The following SCAF8 variants were observed in gnomAD, a reference collection of about 807,000 sequenced individuals.
SCAF8 encodes the protein SR-related CTD associated factor 8.
A neutral mutation model predicts 140.5 loss-of-function variants in SCAF8; 23 were observed. The observed-to-expected ratio is 0.16, with a 90% confidence interval of 0.12 to 0.23. SCAF8 has a LOEUF of 0.23. Ranked by LOEUF, SCAF8 falls within the 10% of genes least tolerant of loss-of-function variation. The probability of loss-of-function intolerance (pLI) is 1.00; values close to 1 mark genes in which losing one functional copy is unlikely to be tolerated. For synonymous variants in SCAF8, 575 were observed against 528.9 expected (o/e 1.09, Z -1.20); for missense variants, 1,397 against 1,555.7 (o/e 0.90, Z 1.72).
In SCAF8 at chr6:154,803,566, T is replaced by C. The variant is rs1777831236; in HGVS notation, c.806T>C (p.Phe269Ser). The C allele has an allele frequency of 1.9e-6, 3 of 1,612,416 alleles. No individual in the cohort carries two copies. The highest frequency in any genetic ancestry group is 2.5e-6 in the Non-Finnish European group (3 of 1,179,260). ...CAGAAGTTGATGGATAGGTTTGATT[T>C]TGGGGAAGACTCTGAGCATAGTGAA... is the stretch of plus-strand genomic sequence containing the variant. ...FNKKLMDRFDFGEDSEHSEEP... is the reference protein window; with the variant it reads ...FNKKLMDRFDSGEDSEHSEEP... Residue 269 changes from phenylalanine to serine, a missense_variant, in exon 8 of 20, where the codon TTT becomes TCT. Transcript: ENST00000367178.
At chr6:154,824,942 C>T (rs1293296987) in intron 17 of SCAF8, 1 of 147,662 alleles carries the variant, frequency 6.8e-6, no homozygotes, top group East Asian at 2.0e-4. Context: ...ATTACTTTGT[C>T]TCAAAAAGAA....
intron 1 of SCAF8, among the ~76,000 whole-genome samples, chr6:154,773,718 G>A (rs1440937895): frequency 6.6e-6 from 1 of 152,126 alleles, no homozygotes; most frequent in African/African-American, 2.4e-5. Flanking sequence ...AACATTTTAC[G>A]TTCCCACCAG....
At chr6:154,793,901 T>TTGTGTGTGTGTG (rs546452318) in intron 5 of SCAF8, among the ~76,000 whole-genome samples, 4 of 74,598 alleles carry the variant, frequency 5.4e-5, no homozygotes, top group African/African-American at 2.8e-4. Flanking sequence ...TGTATGTATT[T>TTGTGTGTGTGTG]TGTGTGTGTG....
At position 154,832,426 on chromosome 6, in the gene SCAF8, A is replaced by G. The variant is rs775482832; in HGVS notation, c.2847A>G (p.Gln949=). 2.7e-5 allele frequency: 43 copies of G among 1,613,920 alleles called. No individual in the cohort carries two copies. In the East Asian group the frequency reaches 2.9e-4, roughly 11 times the overall value. ...TAATACAGCCTGGAATTCCACCCCA[A>G]CGGGGAATCCCACCCCCATCGGTAC... ...FPLIQPGIPP[Q]RGIPPPSVLD... Residue 949 remains glutamine (Q), a synonymous_variant, in exon 20 of 20, where the codon CAA becomes CAG. Transcript: ENST00000367178.
intron 12 of SCAF8, among the ~76,000 whole-genome samples, chr6:154,810,446 T>A (rs530868278): frequency 4.5e-4 from 69 of 152,290 alleles, no homozygotes; most frequent in Middle Eastern, 3.4e-3. Context: ...CAAATGCAAG[T>A]TAGAAAATAC....
intron 6 of SCAF8, among the ~76,000 whole-genome samples, chr6:154,800,519 A>G (rs1054096383): frequency 2.6e-5 from 4 of 151,606 alleles, no homozygotes; most frequent in African/African-American, 9.7e-5. Context: ...TTTGCTAAGC[A>G]ATGGGGAATC....
intron 6 of SCAF8, among the ~76,000 whole-genome samples, chr6:154,796,898 A>C (rs1184550953): frequency 6.6e-6 from 1 of 152,098 alleles, no homozygotes; most frequent in East Asian, 1.9e-4. Context: ...CTTGAACCTC[A>C]GAAGTGGAGG....
At chr6:154,763,525 T>A (rs1484620660) in intron 1 of SCAF8, among the ~76,000 whole-genome samples, 1 of 152,178 alleles carries the variant, frequency 6.6e-6, no homozygotes, top group Non-Finnish European at 1.5e-5. Context: ...ATAAGCTGTT[T>A]GTTGGGCCCT....
chr6:154,822,551 CTTTT>C, intron 16 of SCAF8, 142 bp downstream of exon 16: 1 of 848,256 alleles, frequency 1.2e-6, no homozygotes, highest in Non-Finnish European at 1.7e-6. Context: ...AAGAATATTT[CTTTT>C]AAATAAAAAA....
chr6:154,753,753 T>A (rs919210142), intron 1 of SCAF8, among the ~76,000 whole-genome samples: 7 of 152,218 alleles, frequency 4.6e-5, no homozygotes, highest in Non-Finnish European at 7.3e-5. Flanking sequence ...TAACAGTGGT[T>A]ATTTCTGAAG....
At chr6:154,819,232 A>G (rs1778344620) in intron 14 of SCAF8, among the ~76,000 whole-genome samples, 1 of 152,134 alleles carries the variant, frequency 6.6e-6, no homozygotes, top group Non-Finnish European at 1.5e-5. Context: ...TTTTTCATTC[A>G]TGACTGAGTT....
At chr6:154,755,902 T>C (rs183365438) in intron 1 of SCAF8, among the ~76,000 whole-genome samples, 3 of 152,338 alleles carry the variant, frequency 2.0e-5, no homozygotes, top group Admixed American at 2.0e-4. Context: ...CTCTTAGCTT[T>C]TTGTAAATCA....
rs1778544893 is a variant in SCAF8 at position 154,825,654 on chromosome 6, T to TTAAA, written c.2071+1276_2071+1277insTAAA. 2.5e-3 allele frequency among the ~76,000 whole-genome samples: 71 copies of TTAAA among 28,486 alleles called. 1 individual carries two copies. The highest frequency in any genetic ancestry group is 0.019 in the African/African-American group (46 of 2,468). 18.7% of individuals were successfully genotyped at this position (28,486 alleles called of 152,430 possible). On this transcript the variant is annotated intron_variant, in intron 17 of 19. Coordinates refer to ENST00000367178, the MANE Select transcript of SCAF8 (RefSeq NM_014892.5). ...ATGGATGACAGAGTGAGACCTTGTC[T>TTAAA]CAAAAAAAAAAAAAAAAAAAAAGCT...
chr6:154,763,682 T>C (rs1454657455), intron 1 of SCAF8, among the ~76,000 whole-genome samples: 1 of 151,978 alleles, frequency 6.6e-6, no homozygotes, highest in Admixed American at 6.6e-5. Flanking sequence ...TTTCATTTAA[T>C]GCATAGAGGA....
In SCAF8 at chr6:154,756,261, A is replaced by G. The variant is rs576670368; in HGVS notation, c.31-17728A>G. On this transcript the variant is annotated intron_variant, in intron 1 of 19. Coordinates refer to ENST00000367178, the MANE Select transcript of SCAF8 (RefSeq NM_014892.5). Reference sequence around the variant, plus strand: ...ACCAATAGTTAAGTTTAATACATATATTTTGAATTAGTGTCTCTGCAGAAT... The same window carrying G: ...ACCAATAGTTAAGTTTAATACATATGTTTTGAATTAGTGTCTCTGCAGAAT... Among the ~76,000 whole-genome samples the G allele has an allele frequency of 2.6e-5, 4 of 152,302 alleles. No individual in the cohort carries two copies. The East Asian group carries it at 7.7e-4, about 29-fold the overall frequency.
chr6:154,830,526 G>C (rs1335124572), intron 18 of SCAF8, among the ~76,000 whole-genome samples: 1 of 147,078 alleles, frequency 6.8e-6, no homozygotes, highest in Non-Finnish European at 1.5e-5. Flanking sequence ...TAGGACCCTA[G>C]TACATTGTAA....
At chr6:154,804,813 G>C (rs1327380512) in intron 8 of SCAF8, among the ~76,000 whole-genome samples, 1 of 151,928 alleles carries the variant, frequency 6.6e-6, no homozygotes, top group Non-Finnish European at 1.5e-5. Flanking sequence ...TGTATTCCAG[G>C]TGTGAATTTC....
At chr6:154,734,759 AATGTAAAC>A (rs1778365775) in intron 1 of SCAF8, among the ~76,000 whole-genome samples, 3 of 152,242 alleles carry the variant, frequency 2.0e-5, no homozygotes, top group Non-Finnish European at 4.4e-5. Context: ...AATAGGCCTT[AATGTAAAC>A]ATCAAACATA....
In SCAF8 at chr6:154,803,551, T is replaced by C. The variant is rs1426537364; in HGVS notation, c.791T>C (p.Met264Thr). Residue 264 changes from methionine (M) to threonine (T), a missense_variant, in exon 8 of 20, where the codon ATG becomes ACG. Transcript: ENST00000367178. ...EQGVSFNKKL[M>T]DRFDFGEDSE... ...TCTCCTTCTTTCCCCCAGAAGTTGA[T>C]GGATAGGTTTGATTTTGGGGAAGAC... The C allele has an allele frequency of 6.2e-7, 1 of 1,611,032 alleles. No individual in the cohort carries two copies. Among genetic ancestry groups the C allele is most frequent in the Non-Finnish European group, 8.5e-7 (1 of 1,177,994 alleles).
Sources: gnomAD v4.1 joint callset for allele counts (sites outside exome capture counted in the v4.1 genomes callset) on GRCh38, gnomAD v4.1.1 for gene constraint, MANE v1.5 for transcripts, NCBI Gene and HGNC (gene_info 2026-07-23, HGNC 2026-07-21) for gene names.